SYCP1: variants seen among roughly 807,000 people sequenced by gnomAD.
SYCP1 encodes synaptonemal complex protein 1.
In SYCP1, 64 loss-of-function variants were observed where a neutral mutation model predicts 153.1. The observed-to-expected ratio is 0.42, with a 90% CI of 0.34 to 0.51. The LOEUF (loss-of-function observed/expected upper bound fraction) is 0.51. Ranked by LOEUF, SYCP1 falls within the 20% of genes least tolerant of loss-of-function variation. SYCP1 has a pLI of 0.06. For missense variants in SYCP1, 997 were observed against 1,049.0 expected (o/e 0.95, Z 0.68); for synonymous variants, 384 against 341.8 (o/e 1.12, Z -1.36).
intron 3 of SYCP1, among the ~76,000 whole-genome samples, chr1:114,856,942 A>AAAAAAAAC: frequency 1.4e-5 from 2 of 147,084 alleles, no homozygotes; most frequent in East Asian, 4.0e-4. Flanking sequence ...AAAAAAAAAA[A>AAAAAAAAC]AAACCAGCAA....
At chr1:114,948,433 T>C (rs1002656616) in intron 27 of SYCP1, among the ~76,000 whole-genome samples, 2 of 152,224 alleles carry the variant, frequency 1.3e-5, no homozygotes, top group South Asian at 4.1e-4. Flanking sequence ...GCTTCAAACC[T>C]ATTCTCTTAA....
In SYCP1 at chr1:114,857,136, C is replaced by CAAAAA. The variant is rs71582509; in HGVS notation, c.194-79_194-75dup. 3.5e-3 allele frequency: 862 copies of CAAAAA among 244,516 alleles called. 3 individuals are homozygous for CAAAAA. The highest frequency in any genetic ancestry group is 6.8e-3 in the Middle Eastern group (4 of 588). The allele number at this position is 244,516 out of a possible 1,614,324, so 15.1% of individuals were successfully genotyped here. On this transcript the variant is annotated intron_variant, in intron 3 of 31. Transcript: ENST00000369522. ...ATAGTGCCAGATGTCCTCTCTCTCT[C>CAAAAA]AAAAAAAAAAAAAAAAAAAAAGAGA...
intron 27 of SYCP1, among the ~76,000 whole-genome samples, chr1:114,970,480 TA>T (rs1672411077): frequency 6.6e-6 from 1 of 152,100 alleles, no homozygotes; most frequent in Non-Finnish European, 1.5e-5. Flanking sequence ...GATGGTGTTA[TA>T]GAACCTTGTT....
intron 30 of SYCP1, among the ~76,000 whole-genome samples, chr1:114,990,471 A>T (rs983239543): frequency 6.6e-6 from 1 of 151,936 alleles, no homozygotes; most frequent in African/African-American, 2.4e-5. Context: ...TAGTAGATTG[A>T]GGGAAATAAT....
At chr1:114,913,473 C>T (rs1435360722) in intron 19 of SYCP1, among the ~76,000 whole-genome samples, 1 of 151,696 alleles carries the variant, frequency 6.6e-6, no homozygotes, top group Non-Finnish European at 1.5e-5. Flanking sequence ...AAAATGTCAC[C>T]CTTTCTCTTT....
At chr1:114,969,287 C>T (rs907664901) in intron 27 of SYCP1, among the ~76,000 whole-genome samples, 6 of 152,132 alleles carry the variant, frequency 3.9e-5, no homozygotes, top group African/African-American at 1.4e-4. Flanking sequence ...CACAGGTGCC[C>T]CTTCCCCCAG....
chr1:114,935,931 G>A (rs1669969124), intron 23 of SYCP1, among the ~76,000 whole-genome samples: 1 of 152,094 alleles, frequency 6.6e-6, no homozygotes, highest in African/African-American at 2.4e-5. Flanking sequence ...ACCAAAATAA[G>A]TCCAGGACCA....
chr1:114,943,325 A>C (rs955908567), intron 23 of SYCP1, among the ~76,000 whole-genome samples: 1 of 151,956 alleles, frequency 6.6e-6, no homozygotes, highest in Admixed American at 6.6e-5. Flanking sequence ...TGTGTGTACC[A>C]GTCCCAAAAT....
At chr1:114,937,222 G>A (rs1670074644) in intron 23 of SYCP1, among the ~76,000 whole-genome samples, 1 of 152,114 alleles carries the variant, frequency 6.6e-6, no homozygotes, top group East Asian at 1.9e-4. Context: ...ACAGAACAGA[G>A]CCCTCAGAAA....
chr1:114,913,268 GT>G, intron 19 of SYCP1, 118 bp downstream of exon 19: 1 of 770,738 alleles, frequency 1.3e-6, no homozygotes, highest in Non-Finnish European at 2.1e-6. Flanking sequence ...CTAAAACTTT[GT>G]TTTAGCAGAA....
At chr1:114,876,661 CTT>C (rs1665560252) in intron 10 of SYCP1, 74 bp from the exon 11 acceptor site, 4 of 774,016 alleles carry the variant, frequency 5.2e-6, no homozygotes, top group Non-Finnish European at 7.4e-6. Flanking sequence ...GTGAAATAAA[CTT>C]TAAATTTTGT....
Position 114,855,423 on chromosome 1 carries a change from GC to G in SYCP1, c.-24-11del, listed in dbSNP as rs60659641. On this transcript the variant is annotated splice_polypyrimidine_tract_variant and intron_variant, in intron 1 of 31. Coordinates refer to ENST00000369522, the MANE Select transcript of SYCP1 (RefSeq NM_003176.4). Reference sequence around the variant, plus strand: ...GAAAAAAAACTTTCCTTCCCCTCCCGCCCCCCCGGGGCAGTAGATATTTACA... The same window carrying G: ...GAAAAAAAACTTTCCTTCCCCTCCCGCCCCCCGGGGCAGTAGATATTTACA... The G allele has an allele frequency of 1, 1,521,752 of 1,521,968 alleles. 760,769 individuals are homozygous for G. Among genetic ancestry groups the G allele is most frequent in the East Asian group, 1 (43,200 of 43,202 alleles). The allele number at this position is 1,521,968 out of a possible 1,614,324, so 94.3% of individuals were successfully genotyped here.
chr1:114,947,207 A>G, intron 26 of SYCP1, 39 bp from the exon 27 acceptor site: 2 of 1,436,470 alleles, frequency 1.4e-6, no homozygotes, highest in Non-Finnish European at 1.9e-6. Context: ...TGAGAAATAC[A>G]TGGAAGCTCT....
At chr1:114,956,268 G>A (rs1313692689) in intron 27 of SYCP1, among the ~76,000 whole-genome samples, 1 of 152,160 alleles carries the variant, frequency 6.6e-6, no homozygotes, top group Non-Finnish European at 1.5e-5. Flanking sequence ...GACAGTCACA[G>A]GTCTAGTCCT....
intron 29 of SYCP1, among the ~76,000 whole-genome samples, chr1:114,982,480 G>T (rs753704125): frequency 6.6e-6 from 1 of 151,262 alleles, no homozygotes; most frequent in Non-Finnish European, 1.5e-5. Context: ...TCTTCTGCTT[G>T]CCCAAATCTG....
chr1:114,877,780 G>T (rs1306699101), intron 11 of SYCP1, among the ~76,000 whole-genome samples: 2 of 152,142 alleles, frequency 1.3e-5, no homozygotes, highest in Admixed American at 1.3e-4. Flanking sequence ...GGGCAGGATA[G>T]CAAAGACAGA....
At chr1:114,959,918 T>G (rs999004665) in intron 27 of SYCP1, among the ~76,000 whole-genome samples, 1 of 152,138 alleles carries the variant, frequency 6.6e-6, no homozygotes, top group Admixed American at 6.5e-5. Flanking sequence ...AATCACAGGA[T>G]CTTATTCTTT....
chr1:114,936,303 G>T (rs1214312119), intron 23 of SYCP1, among the ~76,000 whole-genome samples: 1 of 151,926 alleles, frequency 6.6e-6, no homozygotes, highest in African/African-American at 2.4e-5. Flanking sequence ...GACAAAAATC[G>T]CATGATTATC....
At chr1:114,905,732 T>C (rs1409030907) in intron 16 of SYCP1, among the ~76,000 whole-genome samples, 2 of 152,216 alleles carry the variant, frequency 1.3e-5, no homozygotes, top group African/African-American at 4.8e-5. Context: ...GGCAAGGTCT[T>C]CACTATGGAT....
Sources: allele counts gnomAD v4.1 joint callset (sites outside exome capture counted in the v4.1 genomes callset), GRCh38; gene constraint gnomAD v4.1.1; transcripts MANE v1.5; gene names NCBI Gene and HGNC (gene_info 2026-07-23, HGNC 2026-07-21).